Variants in EGFR observed in about 807,000 individuals in gnomAD.
EGFR encodes avian erythroblastic leukemia viral (v-erb-b) oncogene homolog.
A neutral mutation model predicts 143.0 loss-of-function variants in EGFR; 58 were observed. That is an observed-to-expected ratio of 0.41 (90% confidence interval 0.33 to 0.50). The LOEUF is 0.50. EGFR is among the 20% of genes least tolerant of loss of function. The pLI, the probability that EGFR is intolerant of heterozygous loss-of-function variation, is 0.39. For synonymous variants in EGFR, 613 were observed against 594.4 expected, an observed-to-expected ratio of 1.03 and a Z score of -0.45; for missense variants, 1,307 against 1,579.0, an observed-to-expected ratio of 0.83 and a Z score of 2.92.
At chr7:55,108,781 C>G (rs986949332) in intron 1 of EGFR, among the ~76,000 whole-genome samples, 1 of 152,150 alleles carries the variant, frequency 6.6e-6, no homozygotes, top group African/African-American at 2.4e-5. Flanking sequence ...ATCTGTAGGA[C>G]TCCAGGTGGC....
rs35515689 is a variant in EGFR, at chr7:55,143,347, A to T, written c.283A>T (p.Thr95Ser). ...VAGYVLIALN[T>S]VERIPLENLQ... ...TGGTTATGTCCTCATTGCCCTCAAC[A>T]CAGTGGAGCGAATTCCTTTGGAAAA... The change falls in exon 3 of 28, where the codon ACA becomes TCA. Residue 95 changes from threonine to serine, a missense_variant. This residue lies in a region of EGFR where 311 missense variants were observed against 412.3 expected (regional missense o/e 0.75). Coordinates refer to ENST00000275493, the MANE Select transcript of EGFR (RefSeq NM_005228.5). 1 of 1,614,244 alleles carries T rather than the reference A, an allele frequency of 6.2e-7. No homozygotes were observed. The highest frequency in any genetic ancestry group is 8.5e-7 in the Non-Finnish European group (1 of 1,180,054).
intron 1 of EGFR, among the ~76,000 whole-genome samples, chr7:55,051,094 G>C (rs1583913603): frequency 6.6e-6 from 1 of 152,314 alleles, no homozygotes; most frequent in African/African-American, 2.4e-5. Flanking sequence ...AGTGCCTTTG[G>C]TGCTGGCCCA....
chr7:55,124,267 T>G (rs1793387979), intron 1 of EGFR, among the ~76,000 whole-genome samples: 1 of 152,220 alleles, frequency 6.6e-6, no homozygotes, highest in South Asian at 2.1e-4. Context: ...CCAACATGTT[T>G]TATTGATATG....
chr7:55,127,245 T>G lies in EGFR; in HGVS notation c.89-15041T>G, dbSNP rs1793581695. Among the ~76,000 whole-genome samples the G allele has an allele frequency of 2.0e-5, 3 of 152,218 alleles. No homozygotes were observed. The South Asian group carries it at 6.2e-4, about 32-fold the overall frequency. On this transcript the variant is annotated intron_variant, in intron 1 of 27. Transcript: ENST00000275493. ...TCCAGATAATTCTGTCACAAAGATC[T>G]GGGTCTCATTAGGAAGGAGAGGAAG...
chr7:55,075,908 G>C (rs1790110205), intron 1 of EGFR, among the ~76,000 whole-genome samples: 1 of 152,148 alleles, frequency 6.6e-6, no homozygotes, highest in Admixed American at 6.5e-5. Context: ...GGGTGCAATA[G>C]TGGAACTCTG....
chr7:55,098,361 C>A (rs1012231462), intron 1 of EGFR, among the ~76,000 whole-genome samples: 1 of 152,166 alleles, frequency 6.6e-6, no homozygotes, highest in Non-Finnish European at 1.5e-5. Context: ...CCCGACAGCA[C>A]GCATGACCTT....
chr7:55,089,335 G>C (rs17172441), intron 1 of EGFR, among the ~76,000 whole-genome samples: 3 of 152,058 alleles, frequency 2.0e-5, no homozygotes, highest in Non-Finnish European at 4.4e-5. Context: ...CTCTGTGCAC[G>C]CAAAGGAGGG....
At chr7:55,099,619 T>C (rs1352875844) in intron 1 of EGFR, among the ~76,000 whole-genome samples, 2 of 152,170 alleles carry the variant, frequency 1.3e-5, no homozygotes, top group Admixed American at 1.3e-4. Flanking sequence ...GAGCCACCAT[T>C]GTCAGAGAGG....
At chr7:55,068,653 A>C (rs1188043150) in intron 1 of EGFR, among the ~76,000 whole-genome samples, 1 of 152,208 alleles carries the variant, frequency 6.6e-6, no homozygotes, top group East Asian at 1.9e-4. Context: ...CAACTGGCAC[A>C]ATTCAATTCC....
chr7:55,033,720 G>A (rs933531483), intron 1 of EGFR, among the ~76,000 whole-genome samples: 2 of 152,210 alleles, frequency 1.3e-5, no homozygotes, highest in African/African-American at 4.8e-5. Flanking sequence ...CCAGACAGGA[G>A]AAAGGCTCCA....
intron 1 of EGFR, among the ~76,000 whole-genome samples, chr7:55,061,737 T>C (rs778512632): frequency 2.5e-4 from 38 of 151,384 alleles, no homozygotes; most frequent in Non-Finnish European, 5.2e-4. Context: ...CCGAGACAAA[T>C]GGAACTTAGC....
chr7:55,120,299 G>A (rs4947492), intron 1 of EGFR, among the ~76,000 whole-genome samples: 76,301 of 152,056 alleles, frequency 0.5, 20,005 homozygotes, highest in East Asian at 0.69. Context: ...GGGCCCAAGA[G>A]GGCTAATATG....
intron 1 of EGFR, among the ~76,000 whole-genome samples, chr7:55,037,412 G>T (rs1787651003): frequency 6.6e-6 from 1 of 152,206 alleles, no homozygotes; most frequent in African/African-American, 2.4e-5. Flanking sequence ...TTAAGAGCTG[G>T]AAAGGTGGTC....
chr7:55,111,214 A>G (rs975744742), intron 1 of EGFR, among the ~76,000 whole-genome samples: 6 of 152,094 alleles, frequency 3.9e-5, no homozygotes, highest in African/African-American at 1.4e-4. Flanking sequence ...TCCTTCTTAC[A>G]CCAAAGTGCA....
intron 1 of EGFR, among the ~76,000 whole-genome samples, chr7:55,055,960 G>C (rs1788789650): frequency 6.6e-6 from 1 of 152,018 alleles, no homozygotes; most frequent in Non-Finnish European, 1.5e-5. Context: ...TCCTCATCTG[G>C]GTAATAAGGC....
chr7:55,111,086 T>C (rs1032621403), intron 1 of EGFR, among the ~76,000 whole-genome samples: 2 of 152,318 alleles, frequency 1.3e-5, no homozygotes, highest in East Asian at 3.9e-4. Context: ...TTGGAATCGC[T>C]GAATGCTAGC....
At chr7:55,155,789 G>A (rs2128937215) in intron 7 of EGFR, 41 bp from the exon 8 acceptor site, 2 of 1,566,680 alleles carry the variant, frequency 1.3e-6, no homozygotes, top group Non-Finnish European at 1.8e-6. Context: ...CGAGCACCTG[G>A]TGCCACCGTC....
At chr7:55,066,988 G>A (rs1789544313) in intron 1 of EGFR, among the ~76,000 whole-genome samples, 1 of 152,214 alleles carries the variant, frequency 6.6e-6, no homozygotes, top group South Asian at 2.1e-4. Context: ...CCTTGCCATT[G>A]GTTTATGCCT....
chr7:55,029,931 A>G (rs1554312127), intron 1 of EGFR, among the ~76,000 whole-genome samples: 1 of 152,224 alleles, frequency 6.6e-6, no homozygotes, highest in Non-Finnish European at 1.5e-5. Context: ...TTTAGATGCT[A>G]AAACATTGAT....
Sources: allele counts gnomAD v4.1 joint callset (sites outside exome capture counted in the v4.1 genomes callset), GRCh38; gene constraint gnomAD v4.1.1; regional missense constraint gnomAD v4.1.1; transcripts MANE v1.5; gene names NCBI Gene and HGNC (gene_info 2026-07-23, HGNC 2026-07-21).